Variants in NFATC3 observed in about 807,000 individuals in gnomAD.
NFATC3 encodes the protein nuclear factor of activated T-cells, cytoplasmic 3.
A neutral mutation model predicts 98.6 loss-of-function variants in NFATC3; 46 were observed. The ratio of observed to expected loss-of-function variants is 0.47; its 90% CI spans 0.37 to 0.60. NFATC3 has a LOEUF of 0.60. Ranked by LOEUF, NFATC3 falls within the 20% of genes least tolerant of loss-of-function variation. NFATC3 has a pLI of 0.00. For missense variants in NFATC3, 1,256 were observed against 1,295.5 expected (o/e 0.97, Z 0.47); for synonymous variants, 512 against 472.2 (o/e 1.08, Z -1.09).
At chr16:68,204,882 G>T (rs1019051938) in intron 9 of NFATC3, among the ~76,000 whole-genome samples, 10 of 152,118 alleles carry the variant, frequency 6.6e-5, no homozygotes, top group Non-Finnish European at 1.0e-4. Flanking sequence ...TGGTTTGGTG[G>T]CAGTTTTCTG....
intron 3 of NFATC3, among the ~76,000 whole-genome samples, chr16:68,153,249 C>T (rs994746787): frequency 1.3e-5 from 2 of 152,026 alleles, no homozygotes; most frequent in South Asian, 2.1e-4. Context: ...GGTGAAACCC[C>T]GTCTCTACTA....
intron 6 of NFATC3, among the ~76,000 whole-genome samples, chr16:68,178,132 C>T (rs2039800395): frequency 6.6e-6 from 1 of 151,998 alleles, no homozygotes; most frequent in Non-Finnish European, 1.5e-5. Context: ...TTTATTAGCT[C>T]CCAAATCTCT....
intron 7 of NFATC3, among the ~76,000 whole-genome samples, chr16:68,182,836 G>A (rs78587942): frequency 6.6e-6 from 1 of 151,962 alleles, no homozygotes. Flanking sequence ...AGAACATTTT[G>A]AATATAAAAT....
At chr16:68,198,548 T>C (rs1297033257) in intron 9 of NFATC3, among the ~76,000 whole-genome samples, 1 of 152,132 alleles carries the variant, frequency 6.6e-6, no homozygotes, top group African/African-American at 2.4e-5. Context: ...AAACAAAGAA[T>C]ACATGAAAGA....
At chr16:68,183,996 C>T (rs1424175120) in intron 8 of NFATC3, among the ~76,000 whole-genome samples, 2 of 133,140 alleles carry the variant, frequency 1.5e-5, no homozygotes, top group Non-Finnish European at 3.1e-5. Context: ...ACGAGCGAAA[C>T]TCCGTCACAA....
intron 6 of NFATC3, among the ~76,000 whole-genome samples, chr16:68,181,251 A>T (rs563080038): frequency 6.6e-6 from 1 of 152,330 alleles, no homozygotes; most frequent in South Asian, 2.1e-4. Flanking sequence ...ACTTGGGTAG[A>T]TGGTTAGAAT....
Position 68,191,544 on chromosome 16 carries a change from A to G in NFATC3, c.2875A>G (p.Thr959Ala). The change falls in exon 9 of 10, where the codon ACT (threonine) becomes GCT (alanine). Residue 959 changes from threonine (T) to alanine (A), a missense_variant. Physicochemically the swap from Thr to Ala is moderately conservative, Grantham distance 58 (BLOSUM62 0). Around this residue, in one of 3 missense-constraint regions of NFATC3, gnomAD observed 636 missense variants for 617.3 expected, o/e 1.03. Coordinates refer to ENST00000346183, the MANE Select transcript of NFATC3 (RefSeq NM_173165.3). Reference protein sequence around the residue: ...PMPYQSPSSGTASSPSPATRM... With the variant: ...PMPYQSPSSGAASSPSPATRM... ...GCCTTACCAATCTCCTAGCTCAGGA[A>G]CTGCCTCATCACCGTCTCCAGCCAC... 6.2e-7 allele frequency: 1 copy of G among 1,614,140 alleles called. No individual in the cohort carries two copies. The highest frequency in any genetic ancestry group is 8.5e-7 in the Non-Finnish European group (1 of 1,180,038).
At chr16:68,211,292 A>G (rs145040377) in intron 9 of NFATC3, among the ~76,000 whole-genome samples, 7,446 of 151,946 alleles carry the variant, frequency 0.049, 520 homozygotes, top group African/African-American at 0.16. Context: ...GGTTCACGCC[A>G]TTCTCCTGCC....
At chr16:68,100,713 G>C (rs2035298567) in intron 1 of NFATC3, among the ~76,000 whole-genome samples, 1 of 151,174 alleles carries the variant, frequency 6.6e-6, no homozygotes, top group Non-Finnish European at 1.5e-5. Flanking sequence ...TAATCATTCT[G>C]ATGGGTGTGT....
intron 1 of NFATC3, among the ~76,000 whole-genome samples, chr16:68,092,747 A>C (rs1018854018): frequency 2.6e-5 from 4 of 152,206 alleles, no homozygotes; most frequent in African/African-American, 4.8e-5. Flanking sequence ...ACAAACTGTT[A>C]GTGCATCGAG....
At chr16:68,219,111 C>T (rs541337078) in intron 9 of NFATC3, among the ~76,000 whole-genome samples, 1 of 151,754 alleles carries the variant, frequency 6.6e-6, no homozygotes, top group South Asian at 2.1e-4. Context: ...CTGGACCAGG[C>T]GCGGTGGCTC....
chr16:68,228,725 C>T lies in NFATC3; in HGVS notation c.*2254C>T, dbSNP rs2042083744. 1 of 152,598 alleles carries T rather than the reference C, an allele frequency of 6.6e-6. No homozygotes were observed. Among genetic ancestry groups the T allele is most frequent in the African/African-American group, 2.4e-5 (1 of 41,436 alleles). The allele number at this position is 152,598 out of a possible 1,614,324, so 9.5% of individuals were successfully genotyped here. Reference sequence around the variant, plus strand: ...GGTGTTAAAGCACACATCCATTGGACTATGCAAATCAATTTCTACTAGCAG... The same window carrying T: ...GGTGTTAAAGCACACATCCATTGGATTATGCAAATCAATTTCTACTAGCAG... On this transcript the variant is annotated 3_prime_UTR_variant, in exon 10 of 10. Coordinates refer to ENST00000346183, the MANE Select transcript of NFATC3 (RefSeq NM_173165.3).
At chr16:68,205,930 C>T (rs2041127930) in intron 9 of NFATC3, among the ~76,000 whole-genome samples, 2 of 151,382 alleles carry the variant, frequency 1.3e-5, no homozygotes, top group Non-Finnish European at 2.9e-5. Context: ...TGGATTCTCG[C>T]TCTACTGCCC....
intron 3 of NFATC3, among the ~76,000 whole-genome samples, chr16:68,150,039 C>T (rs1371074716): frequency 1.3e-5 from 2 of 152,192 alleles, no homozygotes; most frequent in East Asian, 1.9e-4. Flanking sequence ...GTTGGAATTA[C>T]GATTTGTCAT....
At chr16:68,198,436 A>G (rs2040762973) in intron 9 of NFATC3, among the ~76,000 whole-genome samples, 1 of 152,236 alleles carries the variant, frequency 6.6e-6, no homozygotes, top group African/African-American at 2.4e-5. Flanking sequence ...CACTTGAATT[A>G]TGGCAGAATA....
chr16:68,142,873 GCCCTT>G (rs2037830764), intron 3 of NFATC3, among the ~76,000 whole-genome samples: 1 of 151,982 alleles, frequency 6.6e-6, no homozygotes, highest in Non-Finnish European at 1.5e-5. Context: ...CAACTTAAAT[GCCCTT>G]TACTTCTTTC....
chr16:68,197,863 TTTC>T (rs2151127996), intron 9 of NFATC3, among the ~76,000 whole-genome samples: 1 of 152,332 alleles, frequency 6.6e-6, no homozygotes, highest in East Asian at 1.9e-4. Flanking sequence ...CAAAACACAT[TTTC>T]TTTAATTTTT....
At chr16:68,203,596 G>A (rs1274359445) in intron 9 of NFATC3, among the ~76,000 whole-genome samples, 1 of 152,184 alleles carries the variant, frequency 6.6e-6, no homozygotes, top group Non-Finnish European at 1.5e-5. Context: ...TCATGCCACT[G>A]CACTTCAACT....
chr16:68,139,060 T>C (rs1286581610), intron 3 of NFATC3, among the ~76,000 whole-genome samples: 1 of 152,188 alleles, frequency 6.6e-6, no homozygotes, highest in Non-Finnish European at 1.5e-5. Context: ...GATGCAGAGA[T>C]GAACAAGAGA....
Sources: allele counts gnomAD v4.1 joint callset (sites outside exome capture counted in the v4.1 genomes callset), GRCh38; gene constraint gnomAD v4.1.1; regional missense constraint gnomAD v4.1.1; transcripts MANE v1.5; gene names NCBI Gene and HGNC (gene_info 2026-07-23, HGNC 2026-07-21).